The following GRM7 variants were observed in gnomAD, a reference collection of about 807,000 sequenced individuals.
The protein encoded by GRM7 is metabotropic glutamate receptor 7.
In GRM7, 35 loss-of-function variants were observed where a neutral mutation model predicts 84.5. That is an observed-to-expected ratio of 0.41 (90% CI 0.32 to 0.55). The LOEUF (loss-of-function observed/expected upper bound fraction) is 0.55. Ranked by LOEUF, GRM7 falls within the 20% of genes least tolerant of loss-of-function variation. The probability of loss-of-function intolerance (pLI) is 0.19; values close to 1 mark genes in which losing one functional copy is unlikely to be tolerated. For missense variants in GRM7, 1,003 were observed against 1,194.6 expected (o/e 0.84, Z 2.36); for synonymous variants, 487 against 455.1 (o/e 1.07, Z -0.89).
intron 9 of GRM7, among the ~76,000 whole-genome samples, chr3:7,735,125 A>C (rs919910093): frequency 6.6e-6 from 1 of 152,226 alleles, no homozygotes; most frequent in Non-Finnish European, 1.5e-5. Flanking sequence ...AATAGTTATA[A>C]GTAAACAACA....
intron 2 of GRM7, among the ~76,000 whole-genome samples, chr3:7,264,720 A>G (rs891574017): frequency 1.8e-4 from 28 of 151,958 alleles, no homozygotes; most frequent in Admixed American, 1.6e-3. Context: ...CATCTTGCCT[A>G]CCTCTCCACA....
chr3:7,227,786 A>G (rs764664406), intron 2 of GRM7, among the ~76,000 whole-genome samples: 1 of 152,152 alleles, frequency 6.6e-6, no homozygotes, highest in Non-Finnish European at 1.5e-5. Flanking sequence ...TGGGTATTAT[A>G]TTGAATAAGA....
chr3:7,427,020 G>C (rs750955188), intron 5 of GRM7, among the ~76,000 whole-genome samples: 1 of 152,188 alleles, frequency 6.6e-6, no homozygotes, highest in Non-Finnish European at 1.5e-5. Context: ...TTTGCTGGAA[G>C]ACTATCCTGG....
chr3:7,592,253 A>T (rs778145124), intron 8 of GRM7, among the ~76,000 whole-genome samples: 90 of 152,120 alleles, frequency 5.9e-4, no homozygotes, highest in Non-Finnish European at 1.2e-3. Flanking sequence ...AGACTGTGGC[A>T]AATATAAAAA....
At chr3:7,210,117 T>A (rs1459273671) in intron 2 of GRM7, among the ~76,000 whole-genome samples, 1 of 152,180 alleles carries the variant, frequency 6.6e-6, no homozygotes, top group African/African-American at 2.4e-5. Flanking sequence ...CCATAAAATA[T>A]CTCTTTGTGC....
At chr3:7,175,111 C>G (rs879594945) in intron 2 of GRM7, among the ~76,000 whole-genome samples, 1 of 152,168 alleles carries the variant, frequency 6.6e-6, no homozygotes, top group African/African-American at 2.4e-5. Context: ...ATGTGTTTTA[C>G]TTGGTTCTAA....
chr3:7,271,417 G>C lies in GRM7; in HGVS notation c.737-27267G>C, dbSNP rs532096381. On this transcript the variant is annotated intron_variant, in intron 2 of 9. Coordinates refer to ENST00000357716, the MANE Select transcript of GRM7 (RefSeq NM_000844.4). ...TACTAAAAATACAAAAAATTAGCCG[G>C]GCGTGGTGGCGGGCGCCTGTAGTCC... Among the ~76,000 whole-genome samples the C allele has an allele frequency of 2.6e-5, 4 of 151,974 alleles. No individual in the cohort carries two copies. In the East Asian group the frequency reaches 5.9e-4, roughly 22 times the overall value.
intron 2 of GRM7, among the ~76,000 whole-genome samples, chr3:7,269,181 T>A (rs749542634): frequency 6.6e-6 from 1 of 152,246 alleles, no homozygotes; most frequent in Non-Finnish European, 1.5e-5. Context: ...CCTATCATTA[T>A]CTGGTGGGAA....
At chr3:7,713,871 C>T (rs1175102874) in intron 9 of GRM7, among the ~76,000 whole-genome samples, 1 of 135,428 alleles carries the variant, frequency 7.4e-6, no homozygotes, top group Admixed American at 8.3e-5. Context: ...CACTCATTGC[C>T]TGGGAAGTGG....
At chr3:6,933,397 C>A (rs1027078277) in intron 1 of GRM7, among the ~76,000 whole-genome samples, 2 of 152,006 alleles carry the variant, frequency 1.3e-5, no homozygotes, top group African/African-American at 2.4e-5. Flanking sequence ...CTGTATAAAC[C>A]TACACATCAT....
chr3:7,606,440 A>G (rs1487865444), intron 8 of GRM7, among the ~76,000 whole-genome samples: 1 of 152,224 alleles, frequency 6.6e-6, no homozygotes, highest in Non-Finnish European at 1.5e-5. Flanking sequence ...TTGGACTGTT[A>G]AGATATGACA....
chr3:7,100,160 G>T (rs911355842), intron 1 of GRM7, among the ~76,000 whole-genome samples: 5 of 151,344 alleles, frequency 3.3e-5, no homozygotes, highest in African/African-American at 1.2e-4. Context: ...CAGAAACAAA[G>T]AACCTAACTT....
chr3:7,094,797 A>C (rs941499831), intron 1 of GRM7, among the ~76,000 whole-genome samples: 3 of 152,222 alleles, frequency 2.0e-5, no homozygotes, highest in Non-Finnish European at 2.9e-5. Flanking sequence ...TTAGAAATTA[A>C]ATAAGTTAAT....
At chr3:7,354,046 T>G (rs935898739) in intron 4 of GRM7, among the ~76,000 whole-genome samples, 2 of 151,990 alleles carry the variant, frequency 1.3e-5, no homozygotes, top group Non-Finnish European at 2.9e-5. Context: ...ATTTTTAGTG[T>G]TGAGTCAGCT....
intron 1 of GRM7, among the ~76,000 whole-genome samples, chr3:7,046,383 A>C (rs1274568413): frequency 6.6e-6 from 1 of 152,150 alleles, no homozygotes; most frequent in Admixed American, 6.6e-5. Context: ...TATGATGTTT[A>C]TGGCTTCTAA....
intron 1 of GRM7, among the ~76,000 whole-genome samples, chr3:6,880,708 T>G (rs1695476788): frequency 1.3e-5 from 2 of 152,154 alleles, no homozygotes; most frequent in Non-Finnish European, 2.9e-5. Flanking sequence ...ATTCCATCTC[T>G]CACTCGTCTT....
At chr3:7,647,206 C>T (rs763841321) in intron 8 of GRM7, among the ~76,000 whole-genome samples, 20 of 152,166 alleles carry the variant, frequency 1.3e-4, no homozygotes, top group African/African-American at 3.4e-4. Flanking sequence ...CTCATGCTTC[C>T]GAGCCAAAGA....
At chr3:7,254,768 C>T (rs1170916840) in intron 2 of GRM7, among the ~76,000 whole-genome samples, 4 of 152,190 alleles carry the variant, frequency 2.6e-5, no homozygotes, top group African/African-American at 9.7e-5. Flanking sequence ...CTTCTCTGAG[C>T]TTCAGTTTAT....
At chr3:7,269,447 C>T (rs980246461) in intron 2 of GRM7, among the ~76,000 whole-genome samples, 5 of 65,736 alleles carry the variant, frequency 7.6e-5, no homozygotes, top group African/African-American at 1.7e-4. Flanking sequence ...TGCCTGAACC[C>T]CCCCCCCAGA....
Sources: allele counts gnomAD v4.1 joint callset (sites outside exome capture counted in the v4.1 genomes callset), GRCh38; gene constraint gnomAD v4.1.1; transcripts MANE v1.5; gene names NCBI Gene and HGNC (gene_info 2026-07-23, HGNC 2026-07-21).